Variants in ALDH4A1 observed in about 807,000 individuals in gnomAD.
ALDH4A1 encodes the protein delta-1-pyrroline-5-carboxylate dehydrogenase, mitochondrial.
A neutral mutation model predicts 70.5 loss-of-function variants in ALDH4A1; 46 were observed. The observed-to-expected ratio is 0.65, with a 90% CI of 0.51 to 0.83. The LOEUF (loss-of-function observed/expected upper bound fraction) is 0.83. ALDH4A1 is among the 40% of genes least tolerant of loss of function. The pLI is 0.00. For missense variants in ALDH4A1, 749 were observed against 766.5 expected (o/e 0.98, Z 0.27); for synonymous variants, 323 against 324.3 (o/e 1.00, Z 0.04).
At chr1:18,887,196 C>T (rs866718768) in intron 3 of ALDH4A1, among the ~76,000 whole-genome samples, 10 of 152,256 alleles carry the variant, frequency 6.6e-5, no homozygotes, top group South Asian at 4.1e-4. Flanking sequence ...GTCAGCTCCC[C>T]GCTATTTTGC....
At position 18,887,456 on chromosome 1, in the gene ALDH4A1, G is replaced by A. The variant is rs931526782; in HGVS notation, c.250-945C>T. ...CTACTAAAAATACAAAAAATTAGCT[G>A]GGCGTGGTGGCGGATGCCTGTAATC... On this transcript the variant is annotated intron_variant, in intron 3 of 14. Transcript: ENST00000375341. Among the ~76,000 whole-genome samples, 15 of 152,176 alleles carry A rather than the reference G, an allele frequency of 9.9e-5. No homozygotes were observed. In the East Asian group the frequency reaches 1.2e-3, roughly 12 times the overall value.
chr1:18,874,492 T>C lies in ALDH4A1; in HGVS notation c.1550A>G (p.Gln517Arg), dbSNP rs762329320. The change falls in exon 14 of 15, where the codon CAG becomes CGG. Residue 517 changes from glutamine to arginine, a missense_variant. Coordinates refer to ENST00000375341, the MANE Select transcript of ALDH4A1 (RefSeq NM_003748.4). The stretch of plus-strand genomic sequence containing the variant: ...GGCTCGGGCCCCCCCAAAGGGCTGC[T>C]GGCCCACTATCGAGCCAGTGGACTT... ...NDKSTGSIVG[Q>R]QPFGGARASG... 3 of 1,614,162 alleles carry C rather than the reference T, an allele frequency of 1.9e-6. No individual in the cohort carries two copies. In the South Asian group the frequency reaches 3.3e-5, roughly 18 times the overall value.
chr1:18,875,293 A>G (rs1934625339), intron 13 of ALDH4A1, 89 bp downstream of exon 13: 2 of 1,601,230 alleles, frequency 1.2e-6, no homozygotes, highest in East Asian at 2.2e-5. Context: ...GGGCAGCATT[A>G]TTACTGGGAA....
intron 1 of ALDH4A1, among the ~76,000 whole-genome samples, chr1:18,895,316 T>A (rs772776310): frequency 8.5e-5 from 13 of 152,202 alleles, no homozygotes; most frequent in Non-Finnish European, 1.6e-4. Context: ...AGACCTCAAG[T>A]TGGTCCCCCT....
At chr1:18,899,256 G>A (rs1935721177) in intron 1 of ALDH4A1, among the ~76,000 whole-genome samples, 1 of 152,230 alleles carries the variant, frequency 6.6e-6, no homozygotes, top group African/African-American at 2.4e-5. Flanking sequence ...ACTAGGAAAA[G>A]CATTGTGTGC....
At position 18,885,584 on chromosome 1, in the gene ALDH4A1, T is replaced by C. The variant is rs748209308; in HGVS notation, c.342A>G (p.Lys114=). 2 of 1,613,904 alleles carry C rather than the reference T, an allele frequency of 1.2e-6. No homozygotes were observed. The change falls in exon 5 of 15, where the codon AAA becomes AAG. Residue 114 remains lysine, a synonymous_variant. Coordinates refer to ENST00000375341, the MANE Select transcript of ALDH4A1 (RefSeq NM_003748.4). ...CTGCAATAGGCTTCAGGTCCCACTC[T>C]TTCCGGGCAGCCAGGGCAGCCTCAA... ...KAIEAALAAR[K]EWDLKPIADR...
intron 1 of ALDH4A1, 133 bp downstream of exon 1, chr1:18,902,329 G>A (rs746763331): frequency 2.0e-4 from 137 of 685,284 alleles, no homozygotes; most frequent in Non-Finnish European, 2.9e-4. Context: ...GAGCCCCTGA[G>A]GAACCCGGCG....
chr1:18,877,460 T>G lies in ALDH4A1; in HGVS notation c.1093A>C (p.Lys365Gln), dbSNP rs770756077. The G allele has an allele frequency of 2.0e-5, 32 of 1,594,958 alleles. No homozygotes were observed. The highest frequency in any genetic ancestry group is 2.7e-5 in the Non-Finnish European group (32 of 1,170,768). The change falls in exon 10 of 15, where the codon AAA (lysine) becomes CAA (glutamine). Residue 365 changes from lysine to glutamine, a missense_variant. Physicochemically the swap from Lys to Gln is moderately conservative, Grantham distance 53 (BLOSUM62 1). Coordinates refer to ENST00000375341, the MANE Select transcript of ALDH4A1 (RefSeq NM_003748.4). Reference sequence around the variant, plus strand: ...CTGTGCTCCTCCAGCAGCCGCCCTTTGATCTGCGGCCACAGCGAGTGCGGC... The same window carrying G: ...CTGTGCTCCTCCAGCAGCCGCCCTTGGATCTGCGGCCACAGCGAGTGCGGC... The part of the protein sequence containing the change: ...YVPHSLWPQI[K>Q]GRLLEEHSRI...
intron 1 of ALDH4A1, chr1:18,890,316 C>T (rs1166965408): frequency 3.8e-6 from 2 of 524,842 alleles, no homozygotes; most frequent in Non-Finnish European, 6.9e-6. Context: ...CCAAGGCGGG[C>T]AAATCACTTG....
chr1:18,874,948 T>C (rs1360374763), intron 13 of ALDH4A1, among the ~76,000 whole-genome samples: 1 of 152,198 alleles, frequency 6.6e-6, no homozygotes, highest in Non-Finnish European at 1.5e-5. Context: ...GAGGCAGACA[T>C]GGGGGCAACC....
At chr1:18,886,419 G>A (rs749465122) in intron 4 of ALDH4A1, 45 bp downstream of exon 4, 7 of 1,604,546 alleles carry the variant, frequency 4.4e-6, no homozygotes, top group Non-Finnish European at 6.0e-6. Flanking sequence ...CAGAGCAGGG[G>A]CAGCAACCCT....
At chr1:18,882,387 G>C (rs1173044529) in intron 7 of ALDH4A1, among the ~76,000 whole-genome samples, 2 of 152,170 alleles carry the variant, frequency 1.3e-5, no homozygotes, top group Admixed American at 1.3e-4. Flanking sequence ...CCCTGTCTGG[G>C]GCTCGGGGTT....
In ALDH4A1 at chr1:18,902,323, C is replaced by T. The variant is rs1935826749; in HGVS notation, c.62+139G>A. ...GCCTGGGTGGGGGTCGGAGGGGAGC[C>T]CCTGAGGAACCCGGCGTTGACCGAG... is the stretch of plus-strand genomic sequence containing the variant. On this transcript the variant is annotated intron_variant, in intron 1 of 14. Coordinates refer to ENST00000375341, the MANE Select transcript of ALDH4A1 (RefSeq NM_003748.4). 15 of 611,894 alleles carry T rather than the reference C, an allele frequency of 2.5e-5. No homozygotes were observed. The East Asian group carries it at 5.5e-4, about 22-fold the overall frequency. 37.9% of individuals were successfully genotyped at this position (611,894 alleles called of 1,614,324 possible). A position where few individuals can be genotyped will look rare whatever the true frequency, so the allele number is the denominator to read the frequency against.
intron 10 of ALDH4A1, 48 bp downstream of exon 10, chr1:18,877,368 C>T: frequency 6.4e-7 from 1 of 1,552,550 alleles, no homozygotes; most frequent in Non-Finnish European, 8.7e-7. Flanking sequence ...GGGACCCAAT[C>T]CCATCAGCCC....
In ALDH4A1 at chr1:18,872,635, G is replaced by A; in HGVS notation, c.*210C>T. 1.8e-6 allele frequency: 1 copy of A among 547,806 alleles called. No individual in the cohort carries two copies. Among genetic ancestry groups the A allele is most frequent in the Non-Finnish European group, 3.3e-6 (1 of 305,700 alleles). The allele number at this position is 547,806 out of a possible 1,614,324, so 33.9% of individuals were successfully genotyped here. ...CTCCCACATGGCCGATGGGATAAGG[G>A]GTAGTGGCCATGTTCCTCCCCAGCA... On this transcript the variant is annotated 3_prime_UTR_variant, in exon 15 of 15. Transcript: ENST00000375341.
chr1:18,900,939 CT>C (rs1935778682), intron 1 of ALDH4A1: 3 of 981,706 alleles, frequency 3.1e-6, no homozygotes, highest in African/African-American at 3.5e-5. Context: ...ATGGGCTTAT[CT>C]TTTAGAATAT....
At chr1:18,901,365 CA>C (rs1407647513) in intron 1 of ALDH4A1, among the ~76,000 whole-genome samples, 3 of 152,190 alleles carry the variant, frequency 2.0e-5, no homozygotes, top group Non-Finnish European at 2.9e-5. Flanking sequence ...CTGATTAACT[CA>C]GAAAGGGCAC....
Position 18,898,549 on chromosome 1 carries a change from T to TA in ALDH4A1, c.62+3912dup, listed in dbSNP as rs1935697915. On this transcript the variant is annotated intron_variant, in intron 1 of 14. Coordinates refer to ENST00000375341, the MANE Select transcript of ALDH4A1 (RefSeq NM_003748.4). This position sits in a 1 kb window ranked among gnomAD's most constrained non-coding sequence, Gnocchi z 4.3. The stretch of plus-strand genomic sequence containing the variant: ...GGATCATCATAACCACAGCAGCACT[T>TA]ACTGAGCATTTCAGGTGCTGGGCAC... Among the ~76,000 whole-genome samples the TA allele has an allele frequency of 6.6e-6, 1 of 152,206 alleles. No homozygotes were observed. Among genetic ancestry groups the TA allele is most frequent in the Admixed American group, 6.5e-5 (1 of 15,288 alleles).
chr1:18,897,950 A>C (rs1211547860), intron 1 of ALDH4A1, among the ~76,000 whole-genome samples: 1 of 152,158 alleles, frequency 6.6e-6, no homozygotes, highest in Non-Finnish European at 1.5e-5. Context: ...CAGGAAAGGG[A>C]AGGTTTGGGG....
Sources: gnomAD v4.1 joint callset for allele counts (sites outside exome capture counted in the v4.1 genomes callset) on GRCh38, gnomAD v4.1.1 for gene constraint, Gnocchi (gnomAD v3.1) non-coding constraint, MANE v1.5 for transcripts, NCBI Gene and HGNC (gene_info 2026-07-23, HGNC 2026-07-21) for gene names.